The following CLEC12A variants were observed in gnomAD, a reference collection of about 807,000 sequenced individuals.
CLEC12A encodes the protein C-type lectin protein CLL-1.
CLEC12A carries 22 observed loss-of-function variants against 26.5 expected under a neutral mutation model. The observed-to-expected ratio is 0.83, with a 90% CI of 0.59 to 1.19. The LOEUF is 1.19. Among genes scored for constraint, CLEC12A ranks in the 50% most tolerant of loss-of-function variants. The pLI is 0.00. For synonymous variants in CLEC12A, 119 were observed against 101.9 expected (o/e 1.17, Z -1.01); for missense variants, 353 against 315.6 (o/e 1.12, Z -0.90).
At chr12:9,987,911 T>A (rs146180215), downstream of CLEC12A, among the ~76,000 whole-genome samples, 5,305 of 152,008 alleles carry the variant, frequency 0.035, 153 homozygotes, top group Non-Finnish European at 0.047. Context: ...TTGGTTCAAG[T>A]GATTCTCCTG....
At position 9,980,714 on chromosome 12, in the gene CLEC12A, TA is replaced by T; in HGVS notation, c.515del (p.Asn172ThrfsTer9). The stretch of plus-strand genomic sequence containing the variant: ...GCTCAGAATGCCAGCCTGTTGAAGA[TA>T]AACAACAAAAATGCATTGGTAAAGC... ...CAAQNASLLK[I>X]NNKNALEFIK... is the part of the protein sequence containing the mutation. On this transcript the variant is annotated frameshift_variant, in exon 4 of 6. Coordinates refer to ENST00000304361, the MANE Select transcript of CLEC12A (RefSeq NM_138337.6). LOFTEE classifies it high-confidence loss of function. 1 of 1,613,598 alleles carries T rather than the reference TA, an allele frequency of 6.2e-7. No individual in the cohort carries two copies. Among genetic ancestry groups the T allele is most frequent in the Non-Finnish European group, 8.5e-7 (1 of 1,179,718 alleles).
chr12:9,957,960 C>A (rs1863770014), intron 1 of CLEC12A, among the ~76,000 whole-genome samples: 1 of 152,176 alleles, frequency 6.6e-6, no homozygotes, highest in Non-Finnish European at 1.5e-5. Flanking sequence ...CAAACCAAGC[C>A]TAGATGTGGG....
intron 4 of CLEC12A, chr12:9,992,961 C>T (rs991479900): frequency 1.3e-5 from 7 of 530,284 alleles, no homozygotes; most frequent in East Asian, 5.9e-5. Flanking sequence ...GATAAACTCA[C>T]GTGATGGCTT....
At chr12:9,994,973 G>C (rs1219927018) in intron 4 of CLEC12A, 2 of 1,505,854 alleles carry the variant, frequency 1.3e-6, no homozygotes, top group Non-Finnish European at 1.8e-6. Flanking sequence ...ATGGGAGAGA[G>C]GGGAAAGAAT....
At chr12:9,992,044 G>T (rs1304558424) in intron 4 of CLEC12A, 1 of 152,198 alleles carries the variant, frequency 6.6e-6, no homozygotes, top group East Asian at 1.9e-4. Context: ...CCGTTGAGAT[G>T]TTTGAGAATC....
downstream of CLEC12A, chr12:9,997,067 A>G (rs1865069634): frequency 1.9e-6 from 3 of 1,609,436 alleles, no homozygotes; most frequent in South Asian, 1.1e-5. Context: ...TTCACATTCA[A>G]TGTTTTCTGC....
chr12:9,982,505 A>G (rs1366479636), intron 5 of CLEC12A, among the ~76,000 whole-genome samples: 3 of 152,144 alleles, frequency 2.0e-5, no homozygotes, highest in Non-Finnish European at 2.9e-5. Context: ...CATCAATTTT[A>G]TGTGCAGACT....
chr12:9,959,055 T>G (rs1863787565), intron 1 of CLEC12A, among the ~76,000 whole-genome samples: 2 of 152,178 alleles, frequency 1.3e-5, no homozygotes, highest in African/African-American at 4.8e-5. Flanking sequence ...CTATAACTTG[T>G]TAAAGAAATA....
upstream of CLEC12A, among the ~76,000 whole-genome samples, chr12:9,971,143 G>A (rs1379112824): frequency 6.6e-6 from 1 of 152,058 alleles, no homozygotes; most frequent in African/African-American, 2.4e-5. Flanking sequence ...GCAGATTAGT[G>A]AGTGTCTGAG....
At chr12:10,005,614 A>G in the CLEC12A span, among the ~76,000 whole-genome samples, 2 of 152,254 alleles carry the variant, frequency 1.3e-5, no homozygotes, top group Non-Finnish European at 2.9e-5. Context: ...AAGGCAAGTA[A>G]GTGTTGCTCC....
chr12:9,964,318 G>T (rs529720589), intron 1 of CLEC12A, among the ~76,000 whole-genome samples: 1 of 152,240 alleles, frequency 6.6e-6, no homozygotes, highest in African/African-American at 2.4e-5. Context: ...CTGCATGTAA[G>T]GTGGGGACAG....
chr12:9,995,659 G>T, exon 5 of CLEC12A: 1 of 223,808 alleles, frequency 4.5e-6, no homozygotes, highest in South Asian at 5.7e-5. Context: ...TGGTTTTATT[G>T]CTCAGCTTGC....
intron 1 of CLEC12A, among the ~76,000 whole-genome samples, chr12:9,975,884 G>A (rs1394489992): frequency 2.0e-5 from 3 of 152,194 alleles, no homozygotes; most frequent in African/African-American, 7.2e-5. Flanking sequence ...CATCCCAGCT[G>A]CTCCAGCCAT....
chr12:9,972,877 A>G (rs1465782139), intron 1 of CLEC12A, among the ~76,000 whole-genome samples: 1 of 152,086 alleles, frequency 6.6e-6, no homozygotes, highest in African/African-American at 2.4e-5. Context: ...TATACACTGA[A>G]AGAGAATGGG....
Position 9,979,326 on chromosome 12 carries a change from T to C in CLEC12A, c.191-10T>C, listed in dbSNP as rs562839638. 1 of 1,556,750 alleles carries C rather than the reference T, an allele frequency of 6.4e-7. No individual in the cohort carries two copies. The highest frequency in any genetic ancestry group is 8.7e-7 in the Non-Finnish European group (1 of 1,145,724). On this transcript the variant is annotated splice_polypyrimidine_tract_variant and intron_variant, in intron 2 of 5. Transcript: ENST00000304361. The stretch of plus-strand genomic sequence containing the variant: ...AATTTACAATTTTTTGTCATTTTTT[T>C]AATGTGGAGTTCACGTAACTTTGAA...
chr12:9,990,284 G>A (rs905349972), downstream of CLEC12A, among the ~76,000 whole-genome samples: 4 of 152,130 alleles, frequency 2.6e-5, no homozygotes, highest in African/African-American at 4.8e-5. Flanking sequence ...AAAGTAAATT[G>A]AAAACCACCT....
chr12:9,981,991 C>A, intron 4 of CLEC12A, 29 bp from the exon 5 acceptor site: 1 of 1,138,246 alleles, frequency 8.8e-7, no homozygotes, highest in Non-Finnish European at 1.3e-6. Context: ...GAGACTGTTT[C>A]TTAAACAGAC....
rs182148522 is a variant in CLEC12A, at chr12:9,964,741, A to T, written c.11-6836A>T. On this transcript the variant is annotated intron_variant, in intron 1 of 6. Coordinates refer to the CLEC12A transcript ENST00000355690. Reference sequence around the variant, plus strand: ...TGGAAAGGAAATGAGAGGTTCTAAGAGGTGGGCTGGTGACTTGTACTATAG... The same window carrying T: ...TGGAAAGGAAATGAGAGGTTCTAAGTGGTGGGCTGGTGACTTGTACTATAG... Among the ~76,000 whole-genome samples, 82 of 152,286 alleles carry T rather than the reference A, an allele frequency of 5.4e-4. No homozygotes were observed. The East Asian group carries it at 0.014, about 26-fold the overall frequency.
chr12:9,981,984 A>T, intron 4 of CLEC12A, 36 bp from the exon 5 acceptor site: 1 of 1,029,566 alleles, frequency 9.7e-7, no homozygotes, highest in South Asian at 1.4e-5. Context: ...AAAGTAGGAG[A>T]CTGTTTCTTA....
Sources: gnomAD v4.1 joint callset for allele counts (sites outside exome capture counted in the v4.1 genomes callset) on GRCh38, gnomAD v4.1.1 for gene constraint, MANE v1.5 for transcripts, NCBI Gene and HGNC (gene_info 2026-07-23, HGNC 2026-07-21) for gene names.